The following LEF1 variants were observed in gnomAD, a reference collection of about 807,000 sequenced individuals.
LEF1 encodes the protein lymphoid enhancer binding factor 1, also known as lymphoid enhancer-binding factor 1.
In LEF1, 14 loss-of-function variants were observed where a neutral mutation model predicts 51.2. The observed-to-expected ratio is 0.27, with a 90% CI of 0.18 to 0.43. LEF1 has a LOEUF of 0.43. Among genes scored for constraint, LEF1 ranks in the 20% least tolerant of loss-of-function variants. The pLI is 1.00. For missense variants in LEF1, 386 were observed against 512.0 expected, an observed-to-expected ratio of 0.75 and a Z score of 2.37; for synonymous variants, 185 against 183.2, an observed-to-expected ratio of 1.01 and a Z score of -0.08.
intron 3 of LEF1, among the ~76,000 whole-genome samples, chr4:108,132,659 C>CTTTGTTTTTTTTTTTTTTTT (rs1742970487): frequency 2.1e-5 from 1 of 47,438 alleles, no homozygotes; most frequent in Non-Finnish European, 3.6e-5. Flanking sequence ...GAAAATCTGC[C>CTTTGTTTTTTTTTTTTTTTT]TTTTTTTTTT....
At chr4:108,107,228 A>T (rs1741224220) in intron 3 of LEF1, among the ~76,000 whole-genome samples, 1 of 151,798 alleles carries the variant, frequency 6.6e-6, no homozygotes, top group African/African-American at 2.4e-5. Context: ...TTGCAGGCAA[A>T]CTTGATAGAA....
chr4:108,157,654 T>A (rs1033770637), intron 3 of LEF1, among the ~76,000 whole-genome samples: 1 of 152,216 alleles, frequency 6.6e-6, no homozygotes, highest in Non-Finnish European at 1.5e-5. Context: ...CTAGACACTC[T>A]GTGATGCAAC....
chr4:108,099,570 G>GTATATATA lies in LEF1; in HGVS notation c.415-10321_415-10314dup, dbSNP rs551521155. On this transcript the variant is annotated intron_variant, in intron 3 of 11. Transcript: ENST00000265165. Reference sequence around the variant, plus strand: ...TGTGTGTGTGTATGTGTGTGTGTGTGTATATATATATATATATATATATAT... The same window carrying GTATATATA: ...TGTGTGTGTGTATGTGTGTGTGTGTGTATATATATATATATATATATATATATATATAT... 5.8e-4 allele frequency among the ~76,000 whole-genome samples: 41 copies of GTATATATA among 70,166 alleles called. 1 individual carries two copies. The highest frequency in any genetic ancestry group is 2.3e-3 in the East Asian group (3 of 1,292). The allele number at this position is 70,166 out of a possible 152,430, so 46.0% of individuals were successfully genotyped here.
intron 3 of LEF1, among the ~76,000 whole-genome samples, chr4:108,117,037 C>T (rs775281149): frequency 2.6e-5 from 4 of 152,222 alleles, no homozygotes; most frequent in Non-Finnish European, 4.4e-5. Flanking sequence ...CACACATCCT[C>T]TTTTCTGTGA....
chr4:108,156,487 C>T (rs1744708651), intron 3 of LEF1, among the ~76,000 whole-genome samples: 1 of 152,216 alleles, frequency 6.6e-6, no homozygotes, highest in South Asian at 2.1e-4. Flanking sequence ...AAAGACAGAT[C>T]ATTTGGAAAT....
chr4:108,159,952 A>C (rs1744962814), intron 3 of LEF1, among the ~76,000 whole-genome samples: 1 of 152,198 alleles, frequency 6.6e-6, no homozygotes, highest in African/African-American at 2.4e-5. Flanking sequence ...AAAACAATGA[A>C]GTTTGCAGCG....
rs902902343 is a variant in LEF1 at position 108,142,212 on chromosome 4, G to C, written c.414+21356C>G. Among the ~76,000 whole-genome samples, 49 of 152,194 alleles carry C rather than the reference G, an allele frequency of 3.2e-4. 1 individual carries two copies. The highest frequency in any genetic ancestry group is 4.6e-4 in the Non-Finnish European group (31 of 68,040). On this transcript the variant is annotated intron_variant, in intron 3 of 11. Coordinates refer to ENST00000265165, the MANE Select transcript of LEF1 (RefSeq NM_016269.5). ...AAAGACCTGTCCCGCGCCCTTACCT[G>C]CTCCTCCTTAGCCCTTTTTAATCAA...
intron 4 of LEF1, among the ~76,000 whole-genome samples, chr4:108,085,708 T>TCTAC (rs397792885): frequency 2.6e-5 from 4 of 151,924 alleles, no homozygotes; most frequent in African/African-American, 4.8e-5. Flanking sequence ...TTTGACTCTA[T>TCTAC]AGAAATTCTA....
At position 108,047,794 on chromosome 4, in the gene LEF1, C is replaced by A. The variant is rs1344969003; in HGVS notation, c.*964G>T. ...AACAATTCAAGTGCTGGGCTTTTTA[C>A]AACAAGGGGGTGATAAGGAAAGAAA... On this transcript the variant is annotated 3_prime_UTR_variant, in exon 12 of 12. Transcript: ENST00000265165. The A allele has an allele frequency of 6.6e-6, 1 of 152,486 alleles. No individual in the cohort carries two copies. The highest frequency in any genetic ancestry group is 1.5e-5 in the Non-Finnish European group (1 of 67,992). 9.4% of individuals were successfully genotyped at this position (152,486 alleles called of 1,614,324 possible).
intron 3 of LEF1, among the ~76,000 whole-genome samples, chr4:108,138,250 C>T (rs573969523): frequency 3.9e-5 from 6 of 151,958 alleles, no homozygotes; most frequent in Admixed American, 3.9e-4. Flanking sequence ...TAATGAAATG[C>T]AAATAATGTT....
At chr4:108,050,774 C>T (rs570373396) in intron 11 of LEF1, among the ~76,000 whole-genome samples, 14 of 152,282 alleles carry the variant, frequency 9.2e-5, no homozygotes, top group Admixed American at 3.3e-4. Context: ...CAGCCAGGAA[C>T]GCCTGAGGGA....
Position 108,048,616 on chromosome 4 carries a change from T to C in LEF1, c.*142A>G. ...TCTAGCAGTGACCTCAGGGTAAAAT[T>C]GATGTCAGTGTTCCTTTGGGGTCGA... On this transcript the variant is annotated 3_prime_UTR_variant, in exon 12 of 12. Transcript: ENST00000265165. The C allele has an allele frequency of 8.5e-7, 1 of 1,174,818 alleles. No individual in the cohort carries two copies. Among genetic ancestry groups the C allele is most frequent in the Non-Finnish European group, 1.2e-6 (1 of 831,282 alleles). The allele number at this position is 1,174,818 out of a possible 1,614,324, so 72.8% of individuals were successfully genotyped here.
chr4:108,100,287 C>G (rs186388223), intron 3 of LEF1, among the ~76,000 whole-genome samples: 9 of 152,144 alleles, frequency 5.9e-5, no homozygotes, highest in Admixed American at 5.9e-4. Flanking sequence ...TCCCTGAAAA[C>G]ATTTATTTCA....
chr4:108,068,266 T>A (rs1738215853), intron 9 of LEF1, among the ~76,000 whole-genome samples: 1 of 151,582 alleles, frequency 6.6e-6, no homozygotes, highest in Non-Finnish European at 1.5e-5. Flanking sequence ...AATCTCTGTC[T>A]CAAAACAAAA....
At chr4:108,097,742 A>AT (rs147780540) in intron 3 of LEF1, among the ~76,000 whole-genome samples, 78,362 of 151,808 alleles carry the variant, frequency 0.52, 20,829 homozygotes, top group Middle Eastern at 0.68. Context: ...AAACCTAGAC[A>AT]TTTTTTAATA....
chr4:108,146,022 T>C (rs1304542303), intron 3 of LEF1, among the ~76,000 whole-genome samples: 1 of 152,190 alleles, frequency 6.6e-6, no homozygotes, highest in Non-Finnish European at 1.5e-5. Context: ...TCAATAAAAA[T>C]GAAACTATTT....
intron 3 of LEF1, among the ~76,000 whole-genome samples, chr4:108,100,310 C>T (rs1346135842): frequency 6.6e-6 from 1 of 152,048 alleles, no homozygotes; most frequent in East Asian, 1.9e-4. Context: ...AAAGAGGAAG[C>T]AAAATTTAAA....
In LEF1 at chr4:108,167,381, C is replaced by T; in HGVS notation, c.213+174G>A. 3.2e-6 allele frequency: 2 copies of T among 627,734 alleles called. No homozygotes were observed. The highest frequency in any genetic ancestry group is 5.6e-6 in the Non-Finnish European group (2 of 356,416). 38.9% of individuals were successfully genotyped at this position (627,734 alleles called of 1,614,324 possible). ...ACACACACACACACACACACACACA[C>T]ACACACACACACACTGCGGACCGGG... On this transcript the variant is annotated intron_variant, in intron 1 of 11. Transcript: ENST00000265165. This position sits in a 1 kb window ranked among gnomAD's most constrained non-coding sequence, Gnocchi z 5.7.
chr4:108,125,424 A>G (rs926600707), intron 3 of LEF1, among the ~76,000 whole-genome samples: 3 of 152,176 alleles, frequency 2.0e-5, no homozygotes, highest in East Asian at 1.9e-4. Context: ...TAGCCTCCCA[A>G]AGAGCTCGGA....
Sources: allele counts gnomAD v4.1 joint callset (sites outside exome capture counted in the v4.1 genomes callset), GRCh38; gene constraint gnomAD v4.1.1; non-coding constraint Gnocchi (gnomAD v3.1); transcripts MANE v1.5; gene names NCBI Gene and HGNC (gene_info 2026-07-23, HGNC 2026-07-21).